ARHGAP32: variants seen among roughly 807,000 people sequenced by gnomAD.
The protein encoded by ARHGAP32 is Rho GTPase activating protein 32.
A neutral mutation model predicts 186.5 loss-of-function variants in ARHGAP32; 51 were observed. The observed-to-expected ratio is 0.27, with a 90% CI of 0.22 to 0.35. The LOEUF (loss-of-function observed/expected upper bound fraction) is 0.35. Among genes scored for constraint, ARHGAP32 ranks in the 10% least tolerant of loss-of-function variants. ARHGAP32 has a pLI of 1.00. For missense variants in ARHGAP32, 2,186 were observed against 2,623.5 expected (o/e 0.83, Z 3.64); for synonymous variants, 950 against 964.3 (o/e 0.99, Z 0.27).
chr11:129,050,941 G>C (rs529073316), intron 10 of ARHGAP32, among the ~76,000 whole-genome samples: 1 of 152,194 alleles, frequency 6.6e-6, no homozygotes, highest in Non-Finnish European at 1.5e-5. Flanking sequence ...GGTTTCCAGC[G>C]TCATCCATGT....
At chr11:129,156,916 C>A (rs1943422627) in intron 2 of ARHGAP32, among the ~76,000 whole-genome samples, 1 of 152,198 alleles carries the variant, frequency 6.6e-6, no homozygotes, top group African/African-American at 2.4e-5. Flanking sequence ...GCAGTCTCTG[C>A]TGGTGATACC....
At chr11:129,011,523 G>C (rs150883978) in intron 11 of ARHGAP32, among the ~76,000 whole-genome samples, 126 of 152,324 alleles carry the variant, frequency 8.3e-4, no homozygotes, top group African/African-American at 2.9e-3. Context: ...AGCCATGAGA[G>C]GGGTAGGGAG....
At position 128,968,788 on chromosome 11, in the gene ARHGAP32, AT is replaced by A. The variant is rs1234995350; in HGVS notation, c.*118del. On this transcript the variant is annotated 3_prime_UTR_variant, in exon 23 of 23. Transcript: ENST00000682385. ...TGCTGATTTGTTTACTTTTATTATC[AT>A]TTTTTAAATGTGGTCAGGGGTTTTA... The A allele has an allele frequency of 3.7e-6, 3 of 810,006 alleles. No individual in the cohort carries two copies. In the East Asian group the frequency reaches 9.6e-5, roughly 26 times the overall value. The allele number at this position is 810,006 out of a possible 1,614,324, so 50.2% of individuals were successfully genotyped here.
intron 11 of ARHGAP32, among the ~76,000 whole-genome samples, chr11:129,031,960 T>C (rs1375359165): frequency 6.6e-6 from 1 of 152,132 alleles, no homozygotes; most frequent in Non-Finnish European, 1.5e-5. Flanking sequence ...CAGCTGGGCA[T>C]GGTCAAACTC....
upstream of ARHGAP32, among the ~76,000 whole-genome samples, chr11:129,192,808 G>A (rs1227494370): frequency 1.3e-5 from 2 of 152,152 alleles, no homozygotes; most frequent in Non-Finnish European, 2.9e-5. Context: ...TATCCAGAGT[G>A]AGACATAAAA....
intron 1 of ARHGAP32, among the ~76,000 whole-genome samples, chr11:129,232,049 A>AAG (rs1944866727): frequency 1.4e-5 from 2 of 141,064 alleles, no homozygotes. Context: ...AAAAAAAAAA[A>AAG]AGAGACTGCA....
At chr11:129,117,861 C>T (rs1268239506) in intron 5 of ARHGAP32, among the ~76,000 whole-genome samples, 1 of 151,260 alleles carries the variant, frequency 6.6e-6, no homozygotes, top group Non-Finnish European at 1.5e-5. Context: ...CAAGAGATTC[C>T]CCCCGCTTCT....
chr11:129,131,645 A>G (rs1942813568), intron 2 of ARHGAP32, among the ~76,000 whole-genome samples: 1 of 152,128 alleles, frequency 6.6e-6, no homozygotes, highest in Non-Finnish European at 1.5e-5. Context: ...ATCCTTCCCC[A>G]TGATCCCATC....
intron 1 of ARHGAP32, among the ~76,000 whole-genome samples, chr11:129,236,145 C>G (rs1337716001): frequency 6.6e-6 from 1 of 152,174 alleles, no homozygotes; most frequent in African/African-American, 2.4e-5. Context: ...GGAATCTCCA[C>G]ACTGTTTTCC....
At chr11:129,072,872 T>G (rs1940913823) in intron 6 of ARHGAP32, among the ~76,000 whole-genome samples, 1 of 152,216 alleles carries the variant, frequency 6.6e-6, no homozygotes, top group African/African-American at 2.4e-5. Context: ...CAACAAAGTC[T>G]GCCCTCAGGA....
At chr11:129,062,473 C>A in intron 9 of ARHGAP32, 116 bp from the exon 10 acceptor site, 1 of 660,206 alleles carries the variant, frequency 1.5e-6, no homozygotes, top group Admixed American at 3.4e-5. Context: ...ATGCTCTGGC[C>A]AGTAATTTCC....
chr11:129,191,984 A>G, intron 1 of ARHGAP32, 99 bp downstream of exon 1: 1 of 868,794 alleles, frequency 1.2e-6, no homozygotes, highest in Non-Finnish European at 1.9e-6. Flanking sequence ...GAAAACAGAA[A>G]GTCTTATTGG....
At chr11:129,164,196 T>A (rs1943587647) in intron 2 of ARHGAP32, 123 bp downstream of exon 2, 1 of 604,054 alleles carries the variant, frequency 1.7e-6, no homozygotes, top group South Asian at 2.3e-5. Flanking sequence ...AATAAATATT[T>A]CCTGAATAAA....
intron 11 of ARHGAP32, among the ~76,000 whole-genome samples, chr11:129,002,217 C>T (rs938202182): frequency 1.3e-5 from 2 of 152,090 alleles, no homozygotes; most frequent in Admixed American, 6.5e-5. Context: ...ATGGACTCTC[C>T]GAATCCATGA....
intron 6 of ARHGAP32, among the ~76,000 whole-genome samples, chr11:129,088,908 G>A (rs1364275749): frequency 6.7e-6 from 1 of 150,182 alleles, no homozygotes; most frequent in African/African-American, 2.5e-5. Context: ...TGAGGCAGGA[G>A]GATCACTTGA....
intron 1 of ARHGAP32, among the ~76,000 whole-genome samples, chr11:129,273,199 G>A (rs1231135102): frequency 1.3e-5 from 2 of 152,124 alleles, no homozygotes; most frequent in African/African-American, 4.8e-5. Flanking sequence ...GTCTCCCCAT[G>A]AAATGAACAC....
intron 8 of ARHGAP32, 38 bp from the exon 9 acceptor site, chr11:129,064,062 G>A: frequency 6.5e-7 from 1 of 1,542,618 alleles, no homozygotes; most frequent in Non-Finnish European, 8.7e-7. Flanking sequence ...TAAAGACACT[G>A]GACTTGCAAA....
intron 1 of ARHGAP32, among the ~76,000 whole-genome samples, chr11:129,165,893 C>G (rs1463769575): frequency 6.6e-6 from 1 of 151,944 alleles, no homozygotes; most frequent in Admixed American, 6.6e-5. Flanking sequence ...CAAGCAGTTA[C>G]TTTTCTGAAC....
At chr11:129,091,702 A>G (rs1489376610) in intron 6 of ARHGAP32, among the ~76,000 whole-genome samples, 1 of 152,082 alleles carries the variant, frequency 6.6e-6, no homozygotes, top group Non-Finnish European at 1.5e-5. Context: ...CAGTTTCTCA[A>G]ATTTGTTATA....
Sources: gnomAD v4.1 joint callset for allele counts (sites outside exome capture counted in the v4.1 genomes callset) on GRCh38, gnomAD v4.1.1 for gene constraint, MANE v1.5 for transcripts, NCBI Gene and HGNC (gene_info 2026-07-23, HGNC 2026-07-21) for gene names.